LIMCH1: variants seen among roughly 807,000 people sequenced by gnomAD.
LIMCH1 encodes the protein LIM and calponin homology domains 1.
In LIMCH1, 113 loss-of-function variants were observed where a neutral mutation model predicts 176.5. That is an observed-to-expected ratio of 0.64 (90% CI 0.55 to 0.75). The LOEUF is 0.75. Among genes scored for constraint, LIMCH1 ranks in the 30% least tolerant of loss-of-function variants. The pLI is 0.00. For missense variants in LIMCH1, 1,674 were observed against 1,814.9 expected (o/e 0.92, Z 1.41); for synonymous variants, 619 against 645.9 (o/e 0.96, Z 0.63).
In LIMCH1 at chr4:41,467,158, T is replaced by TATATATACAC. The variant is rs1157542568; in HGVS notation, c.97-27377_97-27376insTATATACACA. Reference sequence around the variant, plus strand: ...CCATATATATATGTGTATGTATATATACACACACACACACACACACACACA... The same window carrying TATATATACAC: ...CCATATATATATGTGTATGTATATATATATATACACACACACACACACACACACACACACA... On this transcript the variant is annotated intron_variant, in intron 1 of 26. Coordinates refer to the LIMCH1 transcript ENST00000313860. 9.8e-4 allele frequency among the ~76,000 whole-genome samples: 141 copies of TATATATACAC among 143,550 alleles called. 2 individuals carry two copies. Among genetic ancestry groups the TATATATACAC allele is most frequent in the African/African-American group, 3.5e-3 (138 of 39,174 alleles). 94.2% of individuals were successfully genotyped at this position (143,550 alleles called of 152,430 possible). A position where few individuals can be genotyped will look rare whatever the true frequency, so the allele number is the denominator to read the frequency against.
At chr4:41,437,242 T>G (rs2154139288) in intron 1 of LIMCH1, among the ~76,000 whole-genome samples, 1 of 152,316 alleles carries the variant, frequency 6.6e-6, no homozygotes, top group South Asian at 2.1e-4. Context: ...CCTTGTAAGG[T>G]CCTACGTGAC....
chr4:41,639,333 A>C (rs1314580632), intron 14 of LIMCH1, among the ~76,000 whole-genome samples: 1 of 152,230 alleles, frequency 6.6e-6, no homozygotes, highest in Non-Finnish European at 1.5e-5. Flanking sequence ...GTTGGGGCTT[A>C]GAGTTAACAA....
chr4:41,458,202 C>T (rs969981786), intron 1 of LIMCH1, among the ~76,000 whole-genome samples: 2 of 152,062 alleles, frequency 1.3e-5, no homozygotes, highest in South Asian at 2.1e-4. Flanking sequence ...GTATCTCACT[C>T]GATGAAAGGA....
At chr4:41,362,702 T>C (rs2052320805) in intron 1 of LIMCH1, among the ~76,000 whole-genome samples, 1 of 152,230 alleles carries the variant, frequency 6.6e-6, no homozygotes, top group Non-Finnish European at 1.5e-5. Flanking sequence ...TTTTGACATA[T>C]GTATATTACT....
At chr4:41,458,193 T>C (rs1289699582) in intron 1 of LIMCH1, among the ~76,000 whole-genome samples, 1 of 152,204 alleles carries the variant, frequency 6.6e-6, no homozygotes, top group Non-Finnish European at 1.5e-5. Context: ...GGATGCATAG[T>C]ATCTCACTCG....
intron 1 of LIMCH1, among the ~76,000 whole-genome samples, chr4:41,445,283 C>T (rs142159898): frequency 0.027 from 4,052 of 152,244 alleles, 91 homozygotes; most frequent in East Asian, 0.094. Context: ...GGATTACAGG[C>T]GTGAGCCACA....
chr4:41,460,085 G>A (rs2065103852), intron 1 of LIMCH1, among the ~76,000 whole-genome samples: 1 of 152,116 alleles, frequency 6.6e-6, no homozygotes, highest in Non-Finnish European at 1.5e-5. Context: ...GAGAGGGGGT[G>A]TGGGCAGTAG....
At chr4:41,660,585 G>A (rs907486599) in intron 18 of LIMCH1, among the ~76,000 whole-genome samples, 2 of 152,170 alleles carry the variant, frequency 1.3e-5, no homozygotes, top group Non-Finnish European at 2.9e-5. Context: ...ATATTCATGA[G>A]GTATGAGTCA....
rs556367516 is a variant in LIMCH1 at position 41,613,419 on chromosome 4, G to A, written c.10-47G>A. ...ACTGGAGACCCATCTTCCTGATAGTGTAGGCTAGAATTATGTCTGTAACCC... is the reference window on the plus strand; with the variant it reads ...ACTGGAGACCCATCTTCCTGATAGTATAGGCTAGAATTATGTCTGTAACCC... On this transcript the variant is annotated intron_variant, in intron 4 of 31. Transcript: ENST00000503057. 6.5e-6 allele frequency: 10 copies of A among 1,531,474 alleles called. No homozygotes were observed. In the African/African-American group the frequency reaches 8.2e-5, roughly 13 times the overall value. 94.9% of individuals were successfully genotyped at this position (1,531,474 alleles called of 1,614,324 possible). A position where few individuals can be genotyped will look rare whatever the true frequency, so the allele number is the denominator to read the frequency against.
chr4:41,379,053 T>C (rs536658874), intron 1 of LIMCH1, among the ~76,000 whole-genome samples: 73 of 152,328 alleles, frequency 4.8e-4, no homozygotes, highest in African/African-American at 1.7e-3. Context: ...TGGTGCATAA[T>C]AGATTAGCCC....
intron 1 of LIMCH1, among the ~76,000 whole-genome samples, chr4:41,428,369 C>T (rs2061307353): frequency 1.3e-5 from 2 of 152,132 alleles, no homozygotes; most frequent in African/African-American, 4.8e-5. Flanking sequence ...CTCTAAAGCA[C>T]TACATAATAA....
At chr4:41,509,162 G>T (rs2074533190) in intron 2 of LIMCH1, among the ~76,000 whole-genome samples, 1 of 152,182 alleles carries the variant, frequency 6.6e-6, no homozygotes, top group African/African-American at 2.4e-5. Flanking sequence ...TCAGCTAACT[G>T]GGATATATGG....
intron 1 of LIMCH1, among the ~76,000 whole-genome samples, chr4:41,427,457 T>G (rs1279058619): frequency 6.6e-6 from 1 of 152,196 alleles, no homozygotes; most frequent in East Asian, 1.9e-4. Flanking sequence ...ATTTCCTCCC[T>G]CCTATCCTAC....
chr4:41,540,585 A>G (rs1004233131), intron 1 of LIMCH1, among the ~76,000 whole-genome samples: 2 of 152,146 alleles, frequency 1.3e-5, no homozygotes, highest in African/African-American at 4.8e-5. Flanking sequence ...CTAAAAATAC[A>G]AAAGTTAGCC....
intron 1 of LIMCH1, among the ~76,000 whole-genome samples, chr4:41,417,205 T>C (rs950806873): frequency 1.3e-5 from 2 of 152,132 alleles, no homozygotes; most frequent in Non-Finnish European, 2.9e-5. Context: ...AACACATTGG[T>C]CATCACAGAG....
Position 41,638,935 on chromosome 4 carries a change from C to G in LIMCH1, c.2094C>G (p.Tyr698Ter). The change falls in exon 14 of 32, where the codon TAC becomes TAG. Residue 698 changes from tyrosine to a stop codon, truncating the protein, a stop_gained. Coordinates refer to ENST00000503057, the MANE Select transcript of LIMCH1 (RefSeq NM_001330672.2). LOFTEE classifies it high-confidence loss of function. ...SKGLPMKDQR[Y>*]GPRTPVSDDA... ...AATTTTTTATTTGATCTTATAGATA[C>G]GGTCCGAGAACTCCTGTGTCTGATG... 1 of 1,604,592 alleles carries G rather than the reference C, an allele frequency of 6.2e-7. No homozygotes were observed. Among genetic ancestry groups the G allele is most frequent in the African/African-American group, 1.3e-5 (1 of 74,242 alleles).
At chr4:41,426,910 A>G (rs1398176467) in intron 1 of LIMCH1, among the ~76,000 whole-genome samples, 1 of 152,270 alleles carries the variant, frequency 6.6e-6, no homozygotes, top group Non-Finnish European at 1.5e-5. Flanking sequence ...ATATGAAAAT[A>G]ATATATGTTT....
At chr4:41,478,725 C>T (rs549554605) in intron 1 of LIMCH1, among the ~76,000 whole-genome samples, 2 of 152,310 alleles carry the variant, frequency 1.3e-5, no homozygotes, top group Admixed American at 6.5e-5. Flanking sequence ...GGGCTCAACC[C>T]CTTCTTCCTT....
intron 1 of LIMCH1, among the ~76,000 whole-genome samples, chr4:41,448,539 T>TC (rs2063510348): frequency 6.6e-6 from 1 of 152,320 alleles, no homozygotes; most frequent in Admixed American, 6.5e-5. Flanking sequence ...TCATTAATTT[T>TC]TTTTTTTTAA....
Sources: allele counts gnomAD v4.1 joint callset (sites outside exome capture counted in the v4.1 genomes callset), GRCh38; gene constraint gnomAD v4.1.1; transcripts MANE v1.5; gene names NCBI Gene and HGNC (gene_info 2026-07-23, HGNC 2026-07-21).